Variants in SOX13 observed in about 807,000 individuals in gnomAD.
SOX13 encodes SRY-box transcription factor 13, also known as transcription factor SOX-13.
SOX13 carries 28 observed loss-of-function variants against 71.8 expected under a neutral mutation model. The observed-to-expected ratio is 0.39, with a 90% CI of 0.29 to 0.53. The LOEUF is 0.53. Among genes scored for constraint, SOX13 ranks in the 20% least tolerant of loss-of-function variants. SOX13 has a pLI of 0.70. For missense variants in SOX13, 627 were observed against 810.3 expected, an observed-to-expected ratio of 0.77 and a Z score of 2.75; for synonymous variants, 309 against 317.8, an observed-to-expected ratio of 0.97 and a Z score of 0.29.
chr1:204,125,376 G>T (rs746087505), intron 13 of SOX13, among the ~76,000 whole-genome samples: 3 of 152,056 alleles, frequency 2.0e-5, no homozygotes, highest in Non-Finnish European at 4.4e-5. Flanking sequence ...ACCAGCCTGG[G>T]CAACATAGTG....
At position 204,123,704 on chromosome 1, in the gene SOX13, G is replaced by A; in HGVS notation, c.1275G>A (p.Lys425=). 1.2e-6 allele frequency: 2 copies of A among 1,614,160 alleles called. No homozygotes were observed. Among genetic ancestry groups the A allele is most frequent in the East Asian group, 4.5e-5 (2 of 44,886 alleles). Residue 425 remains lysine, a synonymous_variant, in exon 12 of 14, where the codon AAG becomes AAA. Coordinates refer to ENST00000367204, the MANE Select transcript of SOX13 (RefSeq NM_005686.3). This position sits in a 1 kb window ranked among gnomAD's most constrained non-coding sequence, Gnocchi z 5.0. ...AGTCCCGAAACAGCAGCCACATCAA[G>A]AGGCCCATGAACGCCTTCATGGTGT... ...FPESRNSSHI[K]RPMNAFMVWA... is the part of the protein sequence containing the mutation.
chr1:204,113,159 T>A, intron 2 of SOX13, 25 bp downstream of exon 2: 1 of 1,501,340 alleles, frequency 6.7e-7, no homozygotes, highest in Non-Finnish European at 8.9e-7. Context: ...CCTGCCTCCA[T>A]CCTCACACCC....
rs758981774 is a variant in SOX13, at chr1:204,123,690, A to G, written c.1261A>G (p.Ser421Gly). 1.2e-6 allele frequency: 2 copies of G among 1,614,126 alleles called. No homozygotes were observed. The highest frequency in any genetic ancestry group is 2.7e-5 in the African/African-American group (2 of 75,038). Reference sequence around the variant, plus strand: ...CCGCCACTTCCCCGAGTCCCGAAACAGCAGCCACATCAAGAGGCCCATGAA... The same window carrying G: ...CCGCCACTTCCCCGAGTCCCGAAACGGCAGCCACATCAAGAGGCCCATGAA... Reference protein sequence around the residue: ...GSRHFPESRNSSHIKRPMNAF... With the variant: ...GSRHFPESRNGSHIKRPMNAF... Residue 421 changes from serine to glycine, a missense_variant, in exon 12 of 14, where the codon AGC becomes GGC. Around this residue, in one of 3 missense-constraint regions of SOX13, gnomAD observed 447 missense variants for 532.2 expected, o/e 0.84. Transcript: ENST00000367204. This position sits in a 1 kb window ranked among gnomAD's most constrained non-coding sequence, Gnocchi z 5.0.
At chr1:204,090,745 A>T (rs1028887145) in intron 1 of SOX13, among the ~76,000 whole-genome samples, 1 of 152,176 alleles carries the variant, frequency 6.6e-6, no homozygotes, top group Non-Finnish European at 1.5e-5. Flanking sequence ...TCAGGAAAGG[A>T]TGAACTCAAA....
intron 12 of SOX13, among the ~76,000 whole-genome samples, chr1:204,124,317 T>TG (rs1241319593): frequency 6.6e-6 from 1 of 152,208 alleles, no homozygotes; most frequent in Non-Finnish European, 1.5e-5. Context: ...GGAGCCTGTC[T>TG]GGGTTGTTGA....
chr1:204,111,269 AC>A (rs1656575560), intron 1 of SOX13, among the ~76,000 whole-genome samples: 2 of 152,220 alleles, frequency 1.3e-5, no homozygotes, highest in Non-Finnish European at 2.9e-5. Context: ...AGAGACTCTT[AC>A]CATGCTCATT....
chr1:204,119,115 A>G (rs772948094), intron 7 of SOX13: 1 of 152,360 alleles, frequency 6.6e-6, no homozygotes, highest in Non-Finnish European at 1.5e-5. Flanking sequence ...CCTGAGGCCT[A>G]TAGGCCATGG....
At chr1:204,108,252 A>C (rs1422794020) in intron 1 of SOX13, among the ~76,000 whole-genome samples, 3 of 152,254 alleles carry the variant, frequency 2.0e-5, no homozygotes, top group African/African-American at 7.2e-5. Flanking sequence ...AACCATTACT[A>C]ATGAGCTATT....
At chr1:204,101,672 C>A (rs887196636) in intron 1 of SOX13, among the ~76,000 whole-genome samples, 1 of 151,602 alleles carries the variant, frequency 6.6e-6, no homozygotes, top group African/African-American at 2.4e-5. Context: ...TATATAATAA[C>A]TTATCAGTTC....
chr1:204,093,888 A>G (rs1278400160), intron 1 of SOX13, among the ~76,000 whole-genome samples: 1 of 152,136 alleles, frequency 6.6e-6, no homozygotes, highest in African/African-American at 2.4e-5. Context: ...CTGGGCTACA[A>G]CTCGAACATG....
intron 1 of SOX13, among the ~76,000 whole-genome samples, chr1:204,087,904 T>C (rs1360080008): frequency 1.3e-5 from 2 of 152,318 alleles, no homozygotes; most frequent in East Asian, 3.9e-4. Flanking sequence ...GGAAATTGTC[T>C]AGGTAGTGGG....
At chr1:204,105,464 A>G (rs925831999) in intron 1 of SOX13, among the ~76,000 whole-genome samples, 7 of 145,960 alleles carry the variant, frequency 4.8e-5, no homozygotes, top group Non-Finnish European at 8.9e-5. Flanking sequence ...GGAGTGCAGC[A>G]GTGCAATCTT....
chr1:204,077,181 A>G (rs1330715918), intron 1 of SOX13, among the ~76,000 whole-genome samples: 3 of 152,202 alleles, frequency 2.0e-5, no homozygotes, highest in Non-Finnish European at 4.4e-5. Context: ...AGCAAATGAA[A>G]GCCCCTGAGG....
At chr1:204,117,343 C>T (rs949273734) in intron 6 of SOX13, among the ~76,000 whole-genome samples, 153 bp downstream of exon 6, 8 of 152,166 alleles carry the variant, frequency 5.3e-5, no homozygotes, top group African/African-American at 1.7e-4. Flanking sequence ...TCTATTCTAG[C>T]CCCCAACCTG....
chr1:204,113,277 G>C, intron 2 of SOX13, 143 bp downstream of exon 2: 1 of 724,608 alleles, frequency 1.4e-6, no homozygotes, highest in South Asian at 2.1e-5. Flanking sequence ...ATGTAGGGAA[G>C]CAGGGAGGCA....
At chr1:204,107,382 AGCAAACTGTGCAGACCCCCAGCT>A (rs1167852983) in intron 1 of SOX13, among the ~76,000 whole-genome samples, 3 of 152,110 alleles carry the variant, frequency 2.0e-5, no homozygotes, top group African/African-American at 2.4e-5. Flanking sequence ...GCAGGGGTGA[AGCAAACTGTGCAGACCCCCAGCT>A]GCAGAGTGAC....
At chr1:204,075,135 T>C (rs1655760389) in intron 1 of SOX13, among the ~76,000 whole-genome samples, 1 of 152,166 alleles carries the variant, frequency 6.6e-6, no homozygotes, top group East Asian at 1.9e-4. Context: ...GATGGGTGCA[T>C]AACTCTGCTC....
At chr1:204,118,656 T>G (rs1656744354) in intron 7 of SOX13, 2 of 152,152 alleles carry the variant, frequency 1.3e-5, no homozygotes, top group Non-Finnish European at 2.9e-5. Context: ...TCTCCCAAAT[T>G]CTAACAGCCA....
At chr1:204,116,351 C>G (rs1370652823) in intron 4 of SOX13, 156 bp from the exon 5 acceptor site, 1 of 1,555,486 alleles carries the variant, frequency 6.4e-7, no homozygotes, top group South Asian at 1.2e-5. Context: ...CCCTTCAAGG[C>G]AAGCATCTTG....
Sources: allele counts gnomAD v4.1 joint callset (sites outside exome capture counted in the v4.1 genomes callset), GRCh38; gene constraint gnomAD v4.1.1; regional missense constraint gnomAD v4.1.1; non-coding constraint Gnocchi (gnomAD v3.1); transcripts MANE v1.5; gene names NCBI Gene and HGNC (gene_info 2026-07-23, HGNC 2026-07-21).